The following LRRTM4 variants were observed in gnomAD, a reference collection of about 807,000 sequenced individuals.
LRRTM4 encodes leucine rich repeat transmembrane neuronal 4, also known as leucine-rich repeat transmembrane neuronal protein 4.
A neutral mutation model predicts 47.6 loss-of-function variants in LRRTM4; 25 were observed. That is an observed-to-expected ratio of 0.53 (90% confidence interval 0.38 to 0.73). The LOEUF is 0.73. LRRTM4 is among the 30% of genes least tolerant of loss of function. LRRTM4 has a pLI of 0.00. For missense variants in LRRTM4, 638 were observed against 713.4 expected (o/e 0.89, Z 1.20); for synonymous variants, 311 against 269.5 (o/e 1.15, Z -1.51).
At chr2:77,338,253 A>T (rs550236234) in intron 3 of LRRTM4, among the ~76,000 whole-genome samples, 2 of 152,264 alleles carry the variant, frequency 1.3e-5, no homozygotes, top group South Asian at 4.1e-4. Context: ...CACCGTATTC[A>T]ACTAAACAGC....
intron 3 of LRRTM4, among the ~76,000 whole-genome samples, chr2:77,425,968 T>A (rs1010262337): frequency 2.0e-5 from 3 of 151,396 alleles, no homozygotes; most frequent in Admixed American, 6.6e-5. Context: ...AAAAAAAAAA[T>A]TAGCTGGCAT....
At chr2:77,312,132 C>T (rs1167709387) in intron 3 of LRRTM4, among the ~76,000 whole-genome samples, 1 of 152,102 alleles carries the variant, frequency 6.6e-6, no homozygotes, top group African/African-American at 2.4e-5. Flanking sequence ...TGACTTCAAT[C>T]CTTTTCACTG....
At chr2:76,965,749 C>T (rs1052156816) in intron 3 of LRRTM4, among the ~76,000 whole-genome samples, 2 of 151,282 alleles carry the variant, frequency 1.3e-5, no homozygotes, top group Non-Finnish European at 3.0e-5. Flanking sequence ...ATACACAGTA[C>T]TTGAAAACAA....
intron 3 of LRRTM4, among the ~76,000 whole-genome samples, chr2:77,315,123 T>C (rs138974624): frequency 6.6e-6 from 1 of 152,318 alleles, no homozygotes; most frequent in African/African-American, 2.4e-5. Flanking sequence ...AGCATCTATT[T>C]GTACACTGTT....
At chr2:76,763,579 T>G (rs1673341550) in intron 3 of LRRTM4, among the ~76,000 whole-genome samples, 1 of 152,216 alleles carries the variant, frequency 6.6e-6, no homozygotes. Context: ...CCACCTAGCC[T>G]ATGCAGATGA....
At chr2:76,810,259 C>T (rs774105480) in intron 3 of LRRTM4, among the ~76,000 whole-genome samples, 30 of 152,118 alleles carry the variant, frequency 2.0e-4, no homozygotes, top group Non-Finnish European at 3.7e-4. Flanking sequence ...TTCTTGATTA[C>T]GTCTTAAGGG....
intron 3 of LRRTM4, among the ~76,000 whole-genome samples, chr2:77,054,117 A>C (rs145474861): frequency 6.2e-4 from 94 of 151,346 alleles, no homozygotes; most frequent in African/African-American, 2.2e-3. Flanking sequence ...AAACATGGGG[A>C]AACCACAGTA....
At chr2:76,885,614 C>T (rs1573256399) in intron 3 of LRRTM4, among the ~76,000 whole-genome samples, 2 of 151,952 alleles carry the variant, frequency 1.3e-5, no homozygotes, top group South Asian at 4.2e-4. Context: ...AAGCGCCCAC[C>T]GCCACCACGT....
rs186842727 is a variant in LRRTM4, at chr2:77,314,439, C to T, written c.1551+203879G>A. Among the ~76,000 whole-genome samples, 15 of 152,236 alleles carry T rather than the reference C, an allele frequency of 9.9e-5. No homozygotes were observed. In the East Asian group the frequency reaches 1.4e-3, roughly 14 times the overall value. ...AGATCTTGATTTATAGCCTTTTATA[C>T]ATTTTATAGATATATCTAAACTAGT... On this transcript the variant is annotated intron_variant, in intron 3 of 3. Transcript: ENST00000409884.
At chr2:76,777,364 C>G (rs1318377157) in intron 3 of LRRTM4, among the ~76,000 whole-genome samples, 20 of 142,746 alleles carry the variant, frequency 1.4e-4, no homozygotes, top group African/African-American at 3.7e-4. Flanking sequence ...TGGCCATTTT[C>G]ACGATATTGA....
At chr2:77,436,765 A>T in intron 3 of LRRTM4, among the ~76,000 whole-genome samples, 1 of 151,950 alleles carries the variant, frequency 6.6e-6, no homozygotes, top group East Asian at 1.9e-4. Context: ...TAATGATCAC[A>T]TATTTTCTGT....
Position 76,905,993 on chromosome 2 carries a change from G to A in LRRTM4, c.1552-157077C>T, listed in dbSNP as rs1163874875. 2.6e-5 allele frequency among the ~76,000 whole-genome samples: 4 copies of A among 151,968 alleles called. No homozygotes were observed. The East Asian group carries it at 5.8e-4, about 22-fold the overall frequency. Reference sequence around the variant, plus strand: ...AACATTCAGATTCAGGAAATACAGAGAACGCCACAAAGATACTCCTCGAGA... The same window carrying A: ...AACATTCAGATTCAGGAAATACAGAAAACGCCACAAAGATACTCCTCGAGA... On this transcript the variant is annotated intron_variant, in intron 3 of 3. Coordinates refer to ENST00000409884, the MANE Select transcript of LRRTM4 (RefSeq NM_001134745.3).
At chr2:77,039,163 A>G (rs1392967116) in intron 3 of LRRTM4, among the ~76,000 whole-genome samples, 6 of 151,422 alleles carry the variant, frequency 4.0e-5, no homozygotes, top group Non-Finnish European at 7.4e-5. Context: ...CCTAAGTTTT[A>G]ACAGATCTGT....
intron 3 of LRRTM4, among the ~76,000 whole-genome samples, chr2:77,253,049 C>G (rs1420398146): frequency 2.6e-5 from 4 of 152,038 alleles, no homozygotes; most frequent in South Asian, 4.1e-4. Flanking sequence ...TCTGGAAGAC[C>G]AATGTTTTCC....
chr2:76,788,764 G>T (rs1192836656), intron 3 of LRRTM4, among the ~76,000 whole-genome samples: 3 of 152,012 alleles, frequency 2.0e-5, no homozygotes, highest in Non-Finnish European at 4.4e-5. Flanking sequence ...TGAATTTTTA[G>T]GGGGGAGGAA....
intron 3 of LRRTM4, among the ~76,000 whole-genome samples, chr2:77,090,189 G>A (rs546184827): frequency 6.6e-6 from 1 of 152,002 alleles, no homozygotes; most frequent in Non-Finnish European, 1.5e-5. Context: ...AGCCCTCCCC[G>A]TCCTGCCCAG....
In LRRTM4 at chr2:77,292,520, A is replaced by C. The variant is rs1053652394; in HGVS notation, c.1551+225798T>G. ...CACCATGGAATACTATGCAGCCATA[A>C]AAAATGATGAGTTCATGTCCTTTGT... On this transcript the variant is annotated intron_variant, in intron 3 of 3. Transcript: ENST00000409884. Among the ~76,000 whole-genome samples the C allele has an allele frequency of 4.3e-4, 65 of 151,838 alleles. No homozygotes were observed. The South Asian group carries it at 7.0e-3, about 16-fold the overall frequency.
intron 3 of LRRTM4, among the ~76,000 whole-genome samples, chr2:77,040,017 T>C (rs969730688): frequency 6.6e-6 from 1 of 151,212 alleles, no homozygotes; most frequent in Non-Finnish European, 1.5e-5. Flanking sequence ...TTGTTACATA[T>C]TGGCTAAATC....
intron 3 of LRRTM4, among the ~76,000 whole-genome samples, chr2:77,411,403 TTATTTCTCTCTTTCTTGTTTCTC>T (rs1338657794): frequency 6.6e-6 from 1 of 150,786 alleles, no homozygotes; most frequent in Non-Finnish European, 1.5e-5. Context: ...TCTTTCTTCT[TTATTTCTCTCTTTCTTGTTTCTC>T]TCTCTCTCTC....
Sources: gnomAD v4.1 joint callset for allele counts (sites outside exome capture counted in the v4.1 genomes callset) on GRCh38, gnomAD v4.1.1 for gene constraint, MANE v1.5 for transcripts, NCBI Gene and HGNC (gene_info 2026-07-23, HGNC 2026-07-21) for gene names.